The following CYB5R3 variants were observed in gnomAD, a reference collection of about 807,000 sequenced individuals.
The protein encoded by CYB5R3 is cytochrome b5 reductase 3.
CYB5R3 carries 28 observed loss-of-function variants against 36.5 expected under a neutral mutation model. The ratio of observed to expected loss-of-function variants is 0.77; its 90% confidence interval spans 0.57 to 1.05. The LOEUF (loss-of-function observed/expected upper bound fraction) is 1.05, where lower values mean the gene tolerates loss of function less well. Among genes scored for constraint, CYB5R3 ranks in the 50% least tolerant of loss-of-function variants. The probability of loss-of-function intolerance (pLI) is 0.00; values close to 1 mark genes in which losing one functional copy is unlikely to be tolerated. For synonymous variants in CYB5R3, 181 were observed against 159.8 expected (o/e 1.13, Z -1.00); for missense variants, 474 against 408.9 (o/e 1.16, Z -1.37).
chr22:42,627,694 G>GA lies in CYB5R3; in HGVS notation c.464-7dup. 6.2e-7 allele frequency: 1 copy of GA among 1,605,780 alleles called. No homozygotes were observed. Among genetic ancestry groups the GA allele is most frequent in the Non-Finnish European group, 8.5e-7 (1 of 1,172,376 alleles). Reference sequence around the variant, plus strand: ...AGGTCGGATGGCGAACTTCCCTGGGGAGAGAGAAGGGGTGAGGCCCGGCCA... The same window carrying GA: ...AGGTCGGATGGCGAACTTCCCTGGGGAAGAGAGAAGGGGTGAGGCCCGGCCA... On this transcript the variant is annotated splice_region_variant and splice_polypyrimidine_tract_variant and intron_variant, in intron 5 of 8. Coordinates refer to ENST00000352397, the MANE Select transcript of CYB5R3 (RefSeq NM_000398.7).
intron 6 of CYB5R3, 24 bp from the exon 7 acceptor site, chr22:42,627,413 C>G: frequency 1.2e-6 from 2 of 1,611,386 alleles, no homozygotes; most frequent in Non-Finnish European, 1.7e-6. Flanking sequence ...GGCCGGGCCT[C>G]GCACGTGCTG....
rs8190437 is a variant in CYB5R3 at position 42,630,294 on chromosome 22, G to C, written c.333+588C>G. On this transcript the variant is annotated intron_variant, in intron 4 of 8. Coordinates refer to ENST00000352397, the MANE Select transcript of CYB5R3 (RefSeq NM_000398.7). The stretch of plus-strand genomic sequence containing the variant: ...CCCCAGCTCCCAGACAACACCACAC[G>C]AGCCCCTCACATGTTTCCCTAGCAG... 8.1e-3 allele frequency among the ~76,000 whole-genome samples: 1,229 copies of C among 152,090 alleles called. 16 individuals are homozygous for C. Among genetic ancestry groups the C allele is most frequent in the African/African-American group, 0.029 (1,190 of 41,470 alleles).
Position 42,619,245 on chromosome 22 carries a change from G to A in CYB5R3, c.*528C>T, listed in dbSNP as rs1311041832. ...AAGCTCCCGGCTGGCCAGGGCCCTG[G>A]GGTAGGGAGCAGTGCCCCCAAGAGG... is the stretch of plus-strand genomic sequence containing the variant. On this transcript the variant is annotated 3_prime_UTR_variant, in exon 9 of 9. Coordinates refer to ENST00000352397, the MANE Select transcript of CYB5R3 (RefSeq NM_000398.7). The A allele has an allele frequency of 6.3e-6, 1 of 158,052 alleles. No individual in the cohort carries two copies. The highest frequency in any genetic ancestry group is 2.4e-5 in the African/African-American group (1 of 41,600). 9.8% of individuals were successfully genotyped at this position (158,052 alleles called of 1,614,324 possible). A position where few individuals can be genotyped will look rare whatever the true frequency, so the allele number is the denominator to read the frequency against.
intron 1 of CYB5R3, among the ~76,000 whole-genome samples, chr22:42,645,926 C>T (rs551666858): frequency 5.9e-5 from 9 of 152,240 alleles, no homozygotes; most frequent in East Asian, 1.9e-4. Context: ...AGGCCCCGCC[C>T]GAGTTCAAGC....
In CYB5R3 at chr22:42,628,212, G is replaced by C. The variant is rs1928402873; in HGVS notation, c.403C>G (p.Gln135Glu). ...GKMSQYLESM[Q>E]IGDTIEFRGP... The stretch of plus-strand genomic sequence containing the variant: ...CGGAACTCAATGGTGTCTCCAATCT[G>C]CATGCTCTCCAGGTACTGAGACATC... The change falls in exon 5 of 9, where the codon CAG (glutamine) becomes GAG (glutamate). Residue 135 changes from glutamine (Q) to glutamate (E), a missense_variant. Physicochemically the swap from Gln to Glu is conservative, Grantham distance 29. Transcript: ENST00000352397. 17 of 1,614,122 alleles carry C rather than the reference G, an allele frequency of 1.1e-5. No homozygotes were observed. In the East Asian group the frequency reaches 3.6e-4, roughly 34 times the overall value.
intron 2 of CYB5R3, among the ~76,000 whole-genome samples, chr22:42,633,652 G>A (rs771791781): frequency 2.6e-5 from 4 of 152,164 alleles, no homozygotes; most frequent in African/African-American, 9.7e-5. Flanking sequence ...GCATGGTGTC[G>A]CATGCCTATA....
At chr22:42,643,883 G>A (rs575880444) in intron 1 of CYB5R3, among the ~76,000 whole-genome samples, 1 of 152,230 alleles carries the variant, frequency 6.6e-6, no homozygotes, top group South Asian at 2.1e-4. Flanking sequence ...ACAGCGGTCA[G>A]CGCCCCTGAG....
At position 42,619,923 on chromosome 22, in the gene CYB5R3, G is replaced by A. The variant is rs759908671; in HGVS notation, c.756C>T (p.Phe252=). ...APEAWDYGQG[F]VNEEMIRDHL... ...GGTCCCGGATCATCTCCTCATTCAC[G>A]AAGCCCTGGCCGTAGTCCCAGGCTG... The change falls in exon 9 of 9, where the codon TTC becomes TTT. Residue 252 remains phenylalanine, a synonymous_variant. Transcript: ENST00000352397. 26 of 1,605,212 alleles carry A rather than the reference G, an allele frequency of 1.6e-5. No individual in the cohort carries two copies. The Admixed American group carries it at 2.0e-4, about 13-fold the overall frequency.
At chr22:42,637,233 C>T (rs1928948051) in intron 1 of CYB5R3, among the ~76,000 whole-genome samples, 1 of 152,210 alleles carries the variant, frequency 6.6e-6, no homozygotes, top group South Asian at 2.1e-4. Flanking sequence ...CTCTTGCTTC[C>T]TTCAGTCAAC....
At chr22:42,630,705 G>C (rs545309790) in intron 4 of CYB5R3, among the ~76,000 whole-genome samples, 177 bp downstream of exon 4, 1 of 152,188 alleles carries the variant, frequency 6.6e-6, no homozygotes, top group Non-Finnish European at 1.5e-5. Flanking sequence ...ACATGGACTC[G>C]AGAGGGGCTC....
chr22:42,629,091 A>T (rs993763047), intron 4 of CYB5R3, among the ~76,000 whole-genome samples: 4 of 152,096 alleles, frequency 2.6e-5, no homozygotes, highest in Admixed American at 2.6e-4. Context: ...GTCACCTGTG[A>T]GTTTTTCATC....
chr22:42,625,639 TGG>T (rs1433926546), intron 7 of CYB5R3, among the ~76,000 whole-genome samples: 1 of 151,800 alleles, frequency 6.6e-6, no homozygotes, highest in Non-Finnish European at 1.5e-5. Flanking sequence ...GATGGAACCT[TGG>T]GGGGCTGCTA....
chr22:42,623,706 G>A lies in CYB5R3; in HGVS notation c.733+83C>T, dbSNP rs989258590. On this transcript the variant is annotated intron_variant, in intron 8 of 8. Coordinates refer to ENST00000352397, the MANE Select transcript of CYB5R3 (RefSeq NM_000398.7). ...AGTGAGTGCCAGATGTCGTCCAAAG[G>A]CTCAACGCCACAAACAGCTGGGCAA... 3 of 1,197,604 alleles carry A rather than the reference G, an allele frequency of 2.5e-6. No individual in the cohort carries two copies. The Admixed American group carries it at 5.1e-5, about 20-fold the overall frequency. The allele number at this position is 1,197,604 out of a possible 1,614,324, so 74.2% of individuals were successfully genotyped here. A position where few individuals can be genotyped will look rare whatever the true frequency, so the allele number is the denominator to read the frequency against.
At chr22:42,647,506 G>A (rs907708473) in intron 1 of CYB5R3, among the ~76,000 whole-genome samples, 2 of 152,210 alleles carry the variant, frequency 1.3e-5, no homozygotes, top group East Asian at 3.8e-4. Context: ...CCAGCACTTT[G>A]GGAGGCTGAG....
intron 1 of CYB5R3, among the ~76,000 whole-genome samples, chr22:42,638,906 T>A (rs934827100): frequency 3.3e-5 from 5 of 151,392 alleles, no homozygotes; most frequent in Non-Finnish European, 7.4e-5. Context: ...TGGTGGCGCA[T>A]GCCTGGAATC....
intron 7 of CYB5R3, among the ~76,000 whole-genome samples, chr22:42,625,305 G>A (rs748399976): frequency 6.6e-6 from 1 of 151,990 alleles, no homozygotes; most frequent in South Asian, 2.1e-4. Flanking sequence ...TCATGAGTTC[G>A]AGACCAGCCT....
rs1271538523 is a variant in CYB5R3, at chr22:42,639,045, AAAG to A, written c.22-2202_22-2200del. ...GTGAAACTCCATCTCAAAAAAAAAAAAAGGCCAGGCGCTGTAGCTCACACTTGT... is the reference window on the plus strand; with the variant it reads ...GTGAAACTCCATCTCAAAAAAAAAAAGCCAGGCGCTGTAGCTCACACTTGT... On this transcript the variant is annotated intron_variant, in intron 1 of 8. Transcript: ENST00000352397. 3.5e-5 allele frequency: 15 copies of A among 430,282 alleles called. No individual in the cohort carries two copies. In the East Asian group the frequency reaches 1.0e-3, roughly 29 times the overall value. 26.7% of individuals were successfully genotyped at this position (430,282 alleles called of 1,614,324 possible).
At chr22:42,649,175 TG>T in intron 1 of CYB5R3, 119 bp downstream of exon 1, 1 of 323,614 alleles carries the variant, frequency 3.1e-6, no homozygotes, top group South Asian at 7.6e-5. Flanking sequence ...GCGGGCGAAG[TG>T]GGTGCGGCCG....
At chr22:42,627,108 A>G (rs1373625025) in intron 7 of CYB5R3, among the ~76,000 whole-genome samples, 196 bp downstream of exon 7, 1 of 152,144 alleles carries the variant, frequency 6.6e-6, no homozygotes, top group Non-Finnish European at 1.5e-5. Context: ...TCAGCCAGAC[A>G]CAGGCGCTGC....
Sources: allele counts gnomAD v4.1 joint callset (sites outside exome capture counted in the v4.1 genomes callset), GRCh38; gene constraint gnomAD v4.1.1; transcripts MANE v1.5; gene names NCBI Gene and HGNC (gene_info 2026-07-23, HGNC 2026-07-21).